Variants in EGLN1 observed in about 807,000 individuals in gnomAD.
EGLN1 encodes egl nine homolog 1.
Under a neutral mutation model 38.3 loss-of-function variants are expected in EGLN1, and 17 were observed. The observed-to-expected ratio is 0.44, with a 90% CI of 0.30 to 0.67. The LOEUF is 0.67. Among genes scored for constraint, EGLN1 ranks in the 30% least tolerant of loss-of-function variants. The pLI, the probability that EGLN1 is intolerant of heterozygous loss-of-function variation, is 0.08. For missense variants in EGLN1, 477 were observed against 603.3 expected (o/e 0.79, Z 2.19); for synonymous variants, 283 against 257.5 (o/e 1.10, Z -0.95).
At chr1:231,371,849 C>T (rs1687831747) in intron 2 of EGLN1, among the ~76,000 whole-genome samples, 1 of 152,188 alleles carries the variant, frequency 6.6e-6, no homozygotes, top group Admixed American at 6.5e-5. Context: ...GTCAGGACAA[C>T]ATGGCGTTTG....
At chr1:231,381,612 T>C (rs1688081224) in intron 1 of EGLN1, among the ~76,000 whole-genome samples, 1 of 152,240 alleles carries the variant, frequency 6.6e-6, no homozygotes, top group Non-Finnish European at 1.5e-5. Context: ...CTCCCGACAG[T>C]ATAATCTAGA....
intron 1 of EGLN1, among the ~76,000 whole-genome samples, chr1:231,389,567 CTT>C (rs946145406): frequency 6.6e-6 from 1 of 152,196 alleles, no homozygotes; most frequent in African/African-American, 2.4e-5. Context: ...TATACCACAT[CTT>C]ATGTAGCACC....
chr1:231,414,059 T>G (rs1689016842), intron 1 of EGLN1, among the ~76,000 whole-genome samples: 1 of 152,214 alleles, frequency 6.6e-6, no homozygotes, highest in Non-Finnish European at 1.5e-5. Context: ...GTTAACCATC[T>G]ATATCAATTT....
At chr1:231,366,989 G>A (rs1687666237) in intron 4 of EGLN1, among the ~76,000 whole-genome samples, 2 of 152,186 alleles carry the variant, frequency 1.3e-5, no homozygotes. Context: ...TGCTCTTGGA[G>A]AGGCAGTCCA....
intron 1 of EGLN1, among the ~76,000 whole-genome samples, chr1:231,379,379 A>G (rs544178633): frequency 2.6e-5 from 4 of 152,366 alleles, no homozygotes; most frequent in Non-Finnish European, 5.9e-5. Context: ...AACCAACTTA[A>G]GTTTCTACAG....
At chr1:231,409,750 C>CTAATTG (rs1688887654) in intron 1 of EGLN1, among the ~76,000 whole-genome samples, 2 of 152,154 alleles carry the variant, frequency 1.3e-5, no homozygotes, top group Non-Finnish European at 2.9e-5. Context: ...GTTACAGTTA[C>CTAATTG]AGCTAATACT....
chr1:231,378,494 C>G (rs369766370), intron 1 of EGLN1, among the ~76,000 whole-genome samples: 1 of 152,150 alleles, frequency 6.6e-6, no homozygotes, highest in Non-Finnish European at 1.5e-5. Context: ...CAAGGTCTCA[C>G]GACGTTGCCC....
chr1:231,421,223 G>A lies in EGLN1; in HGVS notation c.666C>T (p.Ile222=), dbSNP rs780854735. 1.9e-6 allele frequency: 3 copies of A among 1,613,812 alleles called. No homozygotes were observed. The highest frequency in any genetic ancestry group is 4.5e-5 in the East Asian group (2 of 44,854). Residue 222 remains isoleucine (I), a synonymous_variant, in exon 1 of 5, where the codon ATC becomes ATT. Coordinates refer to ENST00000366641, the MANE Select transcript of EGLN1 (RefSeq NM_022051.3). This position sits in a 1 kb window ranked among gnomAD's most constrained non-coding sequence, Gnocchi z 5.5. ...CGTGCAGGGCGCGCACCTCGTCGCC[G>A]ATCTGCTGTCCGGTCTCCTTGCCGA... ...DFLGKETGQQ[I]GDEVRALHDT... is the part of the protein sequence containing the mutation.
At chr1:231,396,039 GAA>G (rs59432676) in intron 1 of EGLN1, among the ~76,000 whole-genome samples, 30 of 140,218 alleles carry the variant, frequency 2.1e-4, no homozygotes, top group Admixed American at 7.8e-4. Flanking sequence ...CCTTTAAAAA[GAA>G]AAAAAAAAAA....
chr1:231,415,011 G>T, intron 1 of EGLN1, among the ~76,000 whole-genome samples: 1 of 151,998 alleles, frequency 6.6e-6, no homozygotes, highest in African/African-American at 2.4e-5. Flanking sequence ...TAGGATTACA[G>T]GCATGAGCCA....
chr1:231,403,435 T>C (rs925842672), intron 1 of EGLN1, among the ~76,000 whole-genome samples: 3 of 152,078 alleles, frequency 2.0e-5, no homozygotes, highest in Non-Finnish European at 4.4e-5. Flanking sequence ...AGAAACTATA[T>C]AAAGTCATAA....
chr1:231,403,348 T>G lies in EGLN1; in HGVS notation c.891+17650A>C, dbSNP rs578200288. On this transcript the variant is annotated intron_variant, in intron 1 of 4. Transcript: ENST00000366641. ...GTATTGAAATTTCCAGCTATAATTG[T>G]AATTTGTTGATTGTGCCTTTCATTT... 2.6e-5 allele frequency among the ~76,000 whole-genome samples: 4 copies of G among 152,316 alleles called. No individual in the cohort carries two copies. The South Asian group carries it at 8.3e-4, about 32-fold the overall frequency.
chr1:231,398,551 C>T (rs180966288), intron 1 of EGLN1, among the ~76,000 whole-genome samples: 30 of 152,320 alleles, frequency 2.0e-4, no homozygotes, highest in Non-Finnish European at 2.8e-4. Flanking sequence ...CCTGTTACAA[C>T]AGCAGAGTTA....
intron 1 of EGLN1, among the ~76,000 whole-genome samples, chr1:231,402,909 T>TAA (rs56720811): frequency 6.8e-4 from 101 of 148,558 alleles, no homozygotes; most frequent in East Asian, 1.8e-3. Flanking sequence ...GTATCTTTAT[T>TAA]AAAAAAAAAA....
chr1:231,419,016 T>C (rs1419451655), intron 1 of EGLN1, among the ~76,000 whole-genome samples: 1 of 152,174 alleles, frequency 6.6e-6, no homozygotes, highest in Admixed American at 6.5e-5. Flanking sequence ...AGGAATAAAT[T>C]ACATGTTCAA....
chr1:231,394,172 C>A (rs557071264), intron 1 of EGLN1, among the ~76,000 whole-genome samples: 2 of 152,234 alleles, frequency 1.3e-5, no homozygotes, highest in East Asian at 3.9e-4. Flanking sequence ...CAATTTATTG[C>A]AGTTCCCACA....
chr1:231,370,908 T>C (rs2102894874), intron 2 of EGLN1, among the ~76,000 whole-genome samples: 1 of 152,342 alleles, frequency 6.6e-6, no homozygotes, highest in Non-Finnish European at 1.5e-5. Flanking sequence ...TATTTATTTA[T>C]TGAGATGGAG....
At position 231,364,757 on chromosome 1, in the gene EGLN1, C is replaced by T. The variant is rs748209019; in HGVS notation, c.*1654G>A. 4 of 152,222 alleles carry T rather than the reference C, an allele frequency of 2.6e-5. No homozygotes were observed. Among genetic ancestry groups the T allele is most frequent in the Non-Finnish European group, 5.9e-5 (4 of 68,042 alleles). The allele number at this position is 152,222 out of a possible 1,614,324, so 9.4% of individuals were successfully genotyped here. On this transcript the variant is annotated 3_prime_UTR_variant, in exon 5 of 5. Transcript: ENST00000366641. ...TATACAGAAAATTTCTGTATACTCA[C>T]ATTTTGGCAAAGAAGATCAAGGACA...
At chr1:231,399,276 A>G (rs1266041997) in intron 1 of EGLN1, among the ~76,000 whole-genome samples, 1 of 152,216 alleles carries the variant, frequency 6.6e-6, no homozygotes, top group Non-Finnish European at 1.5e-5. Context: ...CAATCCTGCT[A>G]TAAAGGAATT....
Sources: gnomAD v4.1 joint callset for allele counts (sites outside exome capture counted in the v4.1 genomes callset) on GRCh38, gnomAD v4.1.1 for gene constraint, Gnocchi (gnomAD v3.1) non-coding constraint, MANE v1.5 for transcripts, NCBI Gene and HGNC (gene_info 2026-07-23, HGNC 2026-07-21) for gene names.